The following TXLNB variants were observed in gnomAD, a reference collection of about 807,000 sequenced individuals.
TXLNB encodes beta-taxilin.
A neutral mutation model predicts 57.4 loss-of-function variants in TXLNB; 37 were observed. The ratio of observed to expected loss-of-function variants is 0.64; its 90% confidence interval spans 0.50 to 0.85. TXLNB has a LOEUF of 0.85. Ranked by LOEUF, TXLNB falls within the 40% of genes least tolerant of loss-of-function variation. The probability of loss-of-function intolerance (pLI) is 0.00; values close to 1 mark genes in which losing one functional copy is unlikely to be tolerated. For synonymous variants in TXLNB, 302 were observed against 309.6 expected, an observed-to-expected ratio of 0.98 and a Z score of 0.26; for missense variants, 848 against 825.6, an observed-to-expected ratio of 1.03 and a Z score of -0.33.
the TXLNB span, among the ~76,000 whole-genome samples, chr6:139,300,464 C>T: frequency 1.3e-5 from 2 of 151,976 alleles, no homozygotes; most frequent in East Asian, 1.9e-4. Context: ...TTTTTCCCTC[C>T]CTTTCATGGT....
chr6:139,218,058 C>A, the TXLNB span, among the ~76,000 whole-genome samples: 1 of 152,172 alleles, frequency 6.6e-6, no homozygotes, highest in African/African-American at 2.4e-5. Flanking sequence ...GATTGGATGG[C>A]AGCTGTACAC....
chr6:139,165,051 T>TG, the TXLNB span, among the ~76,000 whole-genome samples: 1 of 152,216 alleles, frequency 6.6e-6, no homozygotes, highest in Non-Finnish European at 1.5e-5. Flanking sequence ...ATCCTTTATG[T>TG]GCCAGGTACT....
the TXLNB span, among the ~76,000 whole-genome samples, chr6:139,164,311 C>T: frequency 1.3e-5 from 2 of 152,022 alleles, no homozygotes; most frequent in African/African-American, 4.8e-5. Flanking sequence ...CCCAGTGGTT[C>T]CCAATTGGGA....
At chr6:139,213,761 A>G in the TXLNB span, among the ~76,000 whole-genome samples, 42 of 152,294 alleles carry the variant, frequency 2.8e-4, no homozygotes, top group South Asian at 8.7e-3. Context: ...AGAGAGAAGA[A>G]TCAAATAAAC....
the TXLNB span, among the ~76,000 whole-genome samples, chr6:139,193,822 T>TTATATATATATA: frequency 7.6e-5 from 7 of 92,662 alleles, no homozygotes; most frequent in Non-Finnish European, 6.2e-5. Flanking sequence ...CCTGGCTAAT[T>TTATATATATATA]TATATATATA....
At chr6:139,237,792 T>TA (rs1303827244), downstream of TXLNB, among the ~76,000 whole-genome samples, 4 of 151,954 alleles carry the variant, frequency 2.6e-5, no homozygotes, top group Non-Finnish European at 5.9e-5. Flanking sequence ...TTATATCACT[T>TA]AAAAAAAAGT....
chr6:139,315,397 C>T, the TXLNB span, among the ~76,000 whole-genome samples: 2 of 152,208 alleles, frequency 1.3e-5, no homozygotes, highest in Non-Finnish European at 1.5e-5. Flanking sequence ...TCTGTCTAGG[C>T]AGCAGGCAAG....
chr6:139,172,563 G>A, the TXLNB span, among the ~76,000 whole-genome samples: 1 of 152,206 alleles, frequency 6.6e-6, no homozygotes, highest in East Asian at 1.9e-4. Flanking sequence ...AACCACATGT[G>A]ATTGTTCTCT....
At chr6:139,322,283 G>A in the TXLNB span, among the ~76,000 whole-genome samples, 1 of 152,112 alleles carries the variant, frequency 6.6e-6, no homozygotes, top group East Asian at 1.9e-4. Context: ...CAACACCCTG[G>A]CATCTGATGA....
At chr6:139,256,607 C>T (rs111471535) in intron 6 of TXLNB, among the ~76,000 whole-genome samples, 9 of 152,360 alleles carry the variant, frequency 5.9e-5, no homozygotes, top group Non-Finnish European at 8.8e-5. Context: ...GGATCATAGG[C>T]GTGAGCCGCC....
At chr6:139,229,331 T>TTTAC in the TXLNB span, among the ~76,000 whole-genome samples, 2 of 151,786 alleles carry the variant, frequency 1.3e-5, no homozygotes, top group African/African-American at 4.8e-5. Flanking sequence ...ATTTTATTTA[T>TTTAC]TTATTTTTGA....
downstream of TXLNB, among the ~76,000 whole-genome samples, chr6:139,235,119 C>T (rs181896840): frequency 1.7e-3 from 261 of 152,272 alleles, no homozygotes; most frequent in African/African-American, 5.9e-3. Flanking sequence ...GTATTCCCTC[C>T]GGCCTGTGCC....
the TXLNB span, among the ~76,000 whole-genome samples, chr6:139,173,757 A>G: frequency 3.9e-5 from 6 of 152,340 alleles, no homozygotes; most frequent in East Asian, 9.6e-4. Flanking sequence ...GAGGGGGATC[A>G]TGTTGTAACT....
chr6:139,277,067 A>C, intron 2 of TXLNB, 146 bp from the exon 3 acceptor site: 1 of 597,104 alleles, frequency 1.7e-6, no homozygotes. Context: ...TTCCTATAGA[A>C]ATGATGACAC....
intron 6 of TXLNB, among the ~76,000 whole-genome samples, chr6:139,258,908 C>T (rs143329370): frequency 2.3e-3 from 349 of 152,296 alleles, no homozygotes; most frequent in Non-Finnish European, 3.9e-3. Flanking sequence ...TCAATTCTCT[C>T]ATCTGTAGAA....
At chr6:139,268,896 C>T (rs1182488359) in intron 4 of TXLNB, 1 of 151,500 alleles carries the variant, frequency 6.6e-6, no homozygotes, top group African/African-American at 2.4e-5. Flanking sequence ...TTAATAAGAT[C>T]TCTCTCTCTC....
At chr6:139,253,909 A>G (rs954807678) in intron 7 of TXLNB, among the ~76,000 whole-genome samples, 2 of 152,174 alleles carry the variant, frequency 1.3e-5, no homozygotes, top group Admixed American at 6.5e-5. Context: ...TGTGTGGTGA[A>G]TGAGGCACAG....
At chr6:139,262,815 G>A in intron 4 of TXLNB, 42 bp from the exon 5 acceptor site, 1 of 1,591,606 alleles carries the variant, frequency 6.3e-7, no homozygotes, top group Non-Finnish European at 8.6e-7. Flanking sequence ...ATGCACCCCG[G>A]GTTTATAGAA....
upstream of TXLNB, among the ~76,000 whole-genome samples, chr6:139,295,699 C>T (rs1001112715): frequency 3.3e-5 from 5 of 151,930 alleles, no homozygotes; most frequent in Admixed American, 1.3e-4. Flanking sequence ...TCATTGTTTA[C>T]ACTCCCCTTT....
Sources: gnomAD v4.1 joint callset for allele counts (sites outside exome capture counted in the v4.1 genomes callset) on GRCh38, gnomAD v4.1.1 for gene constraint, MANE v1.5 for transcripts, NCBI Gene and HGNC (gene_info 2026-07-23, HGNC 2026-07-21) for gene names.